The following LUC7L3 variants were observed in gnomAD, a reference collection of about 807,000 sequenced individuals.
LUC7L3 encodes luc7-like protein 3.
Under a neutral mutation model 66.8 loss-of-function variants are expected in LUC7L3, and 6 were observed. The ratio of observed to expected loss-of-function variants is 0.09; its 90% CI spans 0.05 to 0.18. The LOEUF (loss-of-function observed/expected upper bound fraction) is 0.18. Among genes scored for constraint, LUC7L3 ranks in the 10% least tolerant of loss-of-function variants. The probability of loss-of-function intolerance (pLI) is 1.00; values close to 1 mark genes in which losing one functional copy is unlikely to be tolerated. For missense variants in LUC7L3, 341 were observed against 531.1 expected (o/e 0.64, Z 3.52); for synonymous variants, 160 against 174.7 (o/e 0.92, Z 0.66).
intron 1 of LUC7L3, among the ~76,000 whole-genome samples, chr17:50,720,882 T>G (rs1364661852): frequency 6.6e-6 from 1 of 152,096 alleles, no homozygotes; most frequent in Non-Finnish European, 1.5e-5. Context: ...TAAGAAAGAG[T>G]AAGTTTGGCT....
chr17:50,732,191 T>C (rs1182690991), intron 1 of LUC7L3, among the ~76,000 whole-genome samples: 1 of 152,198 alleles, frequency 6.6e-6, no homozygotes, highest in Non-Finnish European at 1.5e-5. Context: ...TAAGTACATG[T>C]TCTTAACACA....
At chr17:50,735,616 C>T (rs1597913955) in intron 1 of LUC7L3, among the ~76,000 whole-genome samples, 2 of 152,128 alleles carry the variant, frequency 1.3e-5, no homozygotes, top group African/African-American at 4.8e-5. Flanking sequence ...AGCAATCCTT[C>T]TGCCTCAGCC....
chr17:50,740,200 A>C, intron 2 of LUC7L3, 106 bp from the exon 3 acceptor site: 1 of 827,288 alleles, frequency 1.2e-6, no homozygotes, highest in East Asian at 2.7e-5. Flanking sequence ...CTCAGTGATA[A>C]AGTGAATCCT....
At chr17:50,725,774 C>T (rs956717526) in intron 1 of LUC7L3, among the ~76,000 whole-genome samples, 1 of 152,084 alleles carries the variant, frequency 6.6e-6, no homozygotes, top group Non-Finnish European at 1.5e-5. Flanking sequence ...ATAAGTACAT[C>T]ACAAATACAT....
intron 5 of LUC7L3, 26 bp from the exon 6 acceptor site, chr17:50,743,680 C>A (rs1567874197): frequency 1.4e-6 from 2 of 1,400,188 alleles, no homozygotes; most frequent in Non-Finnish European, 2.0e-6. Flanking sequence ...GAAATCTTAA[C>A]TGTTTTTTTC....
At chr17:50,735,988 C>T (rs1467457409) in intron 1 of LUC7L3, among the ~76,000 whole-genome samples, 1 of 152,172 alleles carries the variant, frequency 6.6e-6, no homozygotes, top group Non-Finnish European at 1.5e-5. Flanking sequence ...CAAAAACTAG[C>T]TGGGCATGGT....
Position 50,750,526 on chromosome 17 carries a change from A to G in LUC7L3, c.1164A>G (p.Lys388=), listed in dbSNP as rs1970931030. ...EKEKRGSDDK[K]SSVKSGSREK... is the part of the protein sequence containing the mutation. The stretch of plus-strand genomic sequence containing the variant: ...AAAAGAGGGGATCTGATGATAAAAA[A>G]AGTAGTGTGAAGTCCGGTAGTCGAG... The change falls in exon 10 of 10, where the codon AAA becomes AAG. Residue 388 remains lysine (K), a synonymous_variant. Coordinates refer to ENST00000505658, the MANE Select transcript of LUC7L3 (RefSeq NM_016424.5). The G allele has an allele frequency of 6.2e-7, 1 of 1,613,796 alleles. No homozygotes were observed. The highest frequency in any genetic ancestry group is 1.3e-5 in the African/African-American group (1 of 74,916).
At chr17:50,739,763 GTTTA>G (rs757645838) in intron 2 of LUC7L3, among the ~76,000 whole-genome samples, 8 of 152,148 alleles carry the variant, frequency 5.3e-5, no homozygotes, top group East Asian at 1.9e-4. Context: ...AGCACCAAGT[GTTTA>G]TTTATCCAAA....
chr17:50,751,234 C>T lies in LUC7L3; in HGVS notation c.*573C>T. On this transcript the variant is annotated 3_prime_UTR_variant, in exon 10 of 10. Transcript: ENST00000505658. ...TGTTCTGTAACTCGAGAGCCAGTAG[C>T]ATTGGATTGATGGAAGTGTAGGGTT... The T allele has an allele frequency of 7.1e-7, 1 of 1,399,730 alleles. No homozygotes were observed. Among genetic ancestry groups the T allele is most frequent in the Non-Finnish European group, 9.4e-7 (1 of 1,061,134 alleles). The allele number at this position is 1,399,730 out of a possible 1,614,324, so 86.7% of individuals were successfully genotyped here. A position where few individuals can be genotyped will look rare whatever the true frequency, so the allele number is the denominator to read the frequency against.
At chr17:50,748,417 G>A (rs938400372) in intron 9 of LUC7L3, 4 of 152,198 alleles carry the variant, frequency 2.6e-5, no homozygotes, top group Non-Finnish European at 4.4e-5. Flanking sequence ...CCCGGCCCAG[G>A]TGATCCTCCC....
Position 50,753,231 on chromosome 17 carries a change from A to G in LUC7L3, c.*2570A>G, listed in dbSNP as rs1212971189. On this transcript the variant is annotated 3_prime_UTR_variant, in exon 10 of 10. Transcript: ENST00000505658. ...TCTCCAGCTACGTATATACACACAT[A>G]CATATATATCATAGCAATTCCTTGT... 1 of 152,620 alleles carries G rather than the reference A, an allele frequency of 6.6e-6. No individual in the cohort carries two copies. The highest frequency in any genetic ancestry group is 1.5e-5 in the Non-Finnish European group (1 of 68,032). The allele number at this position is 152,620 out of a possible 1,614,324, so 9.5% of individuals were successfully genotyped here. A position where few individuals can be genotyped will look rare whatever the true frequency, so the allele number is the denominator to read the frequency against.
At chr17:50,720,057 C>A (rs1968636901) in intron 1 of LUC7L3, among the ~76,000 whole-genome samples, 1 of 152,198 alleles carries the variant, frequency 6.6e-6, no homozygotes, top group South Asian at 2.1e-4. Flanking sequence ...GAGCCCTTGG[C>A]ATAATTGAAA....
At chr17:50,730,513 C>CAAAAAAAAAAAAAAAAAAAAAAAAAA (rs3063109) in intron 1 of LUC7L3, among the ~76,000 whole-genome samples, 10 of 59,084 alleles carry the variant, frequency 1.7e-4, no homozygotes, top group African/African-American at 2.3e-4. Context: ...ACTCTGTCTC[C>CAAAAAAAAAAAAAAAAAAAAAAAAAA]AAAAAAAAAA....
chr17:50,740,683 C>T (rs1049787313), intron 3 of LUC7L3, among the ~76,000 whole-genome samples: 4 of 152,120 alleles, frequency 2.6e-5, no homozygotes, highest in African/African-American at 7.2e-5. Context: ...CTCAAACTCC[C>T]GAGTAGTTGG....
rs1487736086 is a variant in LUC7L3, at chr17:50,754,277, A to C, written c.*3616A>C. Reference sequence around the variant, plus strand: ...TTATTTTGGAAATTTAAAGACATACACAAAAGAGGAACAATATAATTAACC... The same window carrying C: ...TTATTTTGGAAATTTAAAGACATACCCAAAAGAGGAACAATATAATTAACC... On this transcript the variant is annotated 3_prime_UTR_variant, in exon 10 of 10. Transcript: ENST00000505658. The C allele has an allele frequency of 2.0e-5, 3 of 152,194 alleles. No individual in the cohort carries two copies. Among genetic ancestry groups the C allele is most frequent in the Admixed American group, 1.3e-4 (2 of 15,268 alleles). The allele number at this position is 152,194 out of a possible 1,614,324, so 9.4% of individuals were successfully genotyped here.
chr17:50,743,775 AAAG>A lies in LUC7L3; in HGVS notation c.501_503del (p.Glu168del). ...GATGATGAAATTAGTTGAGCAATTA[AAAG>A]AAGAGAGAGAACTGCTAAGGTCCAC... On this transcript the variant is annotated inframe_deletion, in exon 6 of 10. Transcript: ENST00000505658. The A allele has an allele frequency of 1.2e-6, 2 of 1,613,954 alleles. No individual in the cohort carries two copies. The highest frequency in any genetic ancestry group is 2.2e-5 in the East Asian group (1 of 44,872).
chr17:50,741,004 C>A, intron 3 of LUC7L3, 98 bp from the exon 4 acceptor site: 2 of 1,196,672 alleles, frequency 1.7e-6, no homozygotes, highest in South Asian at 1.3e-5. Flanking sequence ...ACCCTGCAGC[C>A]TAAATGGAAT....
chr17:50,738,735 A>G (rs1031998201), intron 2 of LUC7L3, among the ~76,000 whole-genome samples: 1 of 152,238 alleles, frequency 6.6e-6, no homozygotes, highest in East Asian at 1.9e-4. Flanking sequence ...TACCAGCTTA[A>G]TAGTTGTGGA....
intron 5 of LUC7L3, among the ~76,000 whole-genome samples, chr17:50,742,997 A>C (rs1970442263): frequency 6.6e-6 from 1 of 152,212 alleles, no homozygotes; most frequent in African/African-American, 2.4e-5. Flanking sequence ...CTATGACTCT[A>C]TATAAAATTT....
Sources: gnomAD v4.1 joint callset for allele counts (sites outside exome capture counted in the v4.1 genomes callset) on GRCh38, gnomAD v4.1.1 for gene constraint, MANE v1.5 for transcripts, NCBI Gene and HGNC (gene_info 2026-07-23, HGNC 2026-07-21) for gene names.